NBAS: variants seen among roughly 807,000 people sequenced by gnomAD.
The protein encoded by NBAS is NAG/BC035112 fusion.
A neutral mutation model predicts 302.5 loss-of-function variants in NBAS; 219 were observed. The observed-to-expected ratio is 0.72, with a 90% CI of 0.65 to 0.81. The LOEUF (loss-of-function observed/expected upper bound fraction) is 0.81. Among genes scored for constraint, NBAS ranks in the 30% least tolerant of loss-of-function variants. The pLI is 0.00. For synonymous variants in NBAS, 1,118 were observed against 1,021.6 expected, an observed-to-expected ratio of 1.09 and a Z score of -1.80; for missense variants, 2,932 against 2,841.6, an observed-to-expected ratio of 1.03 and a Z score of -0.72.
chr2:15,130,907 GAAAATACTAGAAC>G, the NBAS span, among the ~76,000 whole-genome samples: 2 of 152,170 alleles, frequency 1.3e-5, no homozygotes, highest in Non-Finnish European at 2.9e-5. Context: ...AGAGCAAGAA[GAAAATACTAGAAC>G]CTTCATGTAT....
chr2:15,346,165 TTAAAC>T (rs1265083409), intron 35 of NBAS, among the ~76,000 whole-genome samples: 1 of 152,046 alleles, frequency 6.6e-6, no homozygotes, highest in Non-Finnish European at 1.5e-5. Context: ...TTGGATCTAA[TTAAAC>T]TAAAGAGCTT....
the NBAS span, among the ~76,000 whole-genome samples, chr2:15,100,841 T>C: frequency 2.4e-4 from 37 of 152,344 alleles, no homozygotes; most frequent in African/African-American, 8.4e-4. Flanking sequence ...TCAACTATAA[T>C]GATGCTCACA....
At chr2:15,173,105 A>T (rs1664371957) in intron 51 of NBAS, among the ~76,000 whole-genome samples, 1 of 152,256 alleles carries the variant, frequency 6.6e-6, no homozygotes, top group African/African-American at 2.4e-5. Flanking sequence ...TATATATCAG[A>T]AGATGAGTAA....
At chr2:15,326,659 G>A (rs1032410137) in intron 38 of NBAS, among the ~76,000 whole-genome samples, 3 of 152,036 alleles carry the variant, frequency 2.0e-5, no homozygotes, top group African/African-American at 7.2e-5. Context: ...TATGTAAGAT[G>A]TACCATAAAT....
chr2:14,815,438 C>G, the NBAS span, among the ~76,000 whole-genome samples: 1 of 152,192 alleles, frequency 6.6e-6, no homozygotes, highest in African/African-American at 2.4e-5. Flanking sequence ...GGCACTCACA[C>G]TTTGTTGTCA....
At chr2:15,031,747 A>G in the NBAS span, among the ~76,000 whole-genome samples, 1 of 152,254 alleles carries the variant, frequency 6.6e-6, no homozygotes, top group Non-Finnish European at 1.5e-5. Flanking sequence ...CTGCTCAGGC[A>G]ACACTGTTGC....
chr2:14,991,736 TG>T, the NBAS span, among the ~76,000 whole-genome samples: 5 of 152,214 alleles, frequency 3.3e-5, no homozygotes, highest in African/African-American at 1.2e-4. Context: ...GGTAGAATCT[TG>T]GGCCTCACTC....
At chr2:15,489,393 G>C (rs756632377) in intron 11 of NBAS, among the ~76,000 whole-genome samples, 1 of 151,784 alleles carries the variant, frequency 6.6e-6, no homozygotes, top group Non-Finnish European at 1.5e-5. Context: ...TTTGGGCCCA[G>C]ATCTTTACAA....
At chr2:15,559,072 A>AAAAAAAAAAG (rs1664787702) in intron 1 of NBAS, among the ~76,000 whole-genome samples, 1 of 149,654 alleles carries the variant, frequency 6.7e-6, no homozygotes, top group Non-Finnish European at 1.5e-5. Flanking sequence ...CAAAAAAAAA[A>AAAAAAAAAAG]AAAAAAAAAA....
the NBAS span, among the ~76,000 whole-genome samples, chr2:15,035,257 A>T: frequency 6.6e-6 from 1 of 152,186 alleles, no homozygotes; most frequent in Admixed American, 6.5e-5. Flanking sequence ...GTGTGTGCAT[A>T]TAAATCAAAA....
chr2:15,211,272 T>TA (rs1000261695), intron 48 of NBAS, among the ~76,000 whole-genome samples: 1 of 151,792 alleles, frequency 6.6e-6, no homozygotes, highest in African/African-American at 2.4e-5. Context: ...CCACAAAAAT[T>TA]AAAAAAATAA....
rs1672166901 is a variant in NBAS at position 15,328,239 on chromosome 2, G to C, written c.4421C>G (p.Pro1474Arg). Residue 1474 changes from proline (P) to arginine (R), a missense_variant, in exon 37 of 52, where the codon CCT (proline) becomes CGT (arginine). Physicochemically the swap from Pro to Arg is moderately radical, Grantham distance 103. Transcript: ENST00000281513. ...NEDLEKQGCH[P>R]FYESVISNPF... The stretch of plus-strand genomic sequence containing the variant: ...ATTTGAGATGACAGATTCATAAAAA[G>C]GATGACACCCTTGTTTCTCTAGATC... 6.2e-7 allele frequency: 1 copy of C among 1,613,748 alleles called. No individual in the cohort carries two copies. Among genetic ancestry groups the C allele is most frequent in the African/African-American group, 1.3e-5 (1 of 74,864 alleles).
chr2:15,343,267 C>T (rs527322030), intron 35 of NBAS, among the ~76,000 whole-genome samples: 3 of 152,184 alleles, frequency 2.0e-5, no homozygotes, highest in Non-Finnish European at 2.9e-5. Context: ...GGGGAAACAA[C>T]GTCATATGAA....
chr2:15,074,738 G>C, the NBAS span, among the ~76,000 whole-genome samples: 1 of 152,054 alleles, frequency 6.6e-6, no homozygotes, highest in African/African-American at 2.4e-5. Flanking sequence ...CAGACACAAG[G>C]ATAATTTCCT....
chr2:15,168,087 AT>A (rs1199607286), intron 51 of NBAS, among the ~76,000 whole-genome samples: 1 of 152,108 alleles, frequency 6.6e-6, no homozygotes, highest in African/African-American at 2.4e-5. Flanking sequence ...TATTTTCAAT[AT>A]TTTTTTAAAG....
Position 15,364,584 on chromosome 2 carries a change from G to A in NBAS, c.3817+1996C>T, listed in dbSNP as rs77675835. On this transcript the variant is annotated intron_variant, in intron 32 of 51. Transcript: ENST00000281513. ...TTTTGCTGGTTTCTCCTGGAGCACT[G>A]ACTCCAGGAGACTTCAGCCAACAAG... Among the ~76,000 whole-genome samples, 933 of 152,244 alleles carry A rather than the reference G, an allele frequency of 6.1e-3. 8 individuals carry two copies. The highest frequency in any genetic ancestry group is 0.021 in the African/African-American group (877 of 41,524).
the NBAS span, among the ~76,000 whole-genome samples, chr2:15,007,435 C>T: frequency 6.6e-6 from 1 of 152,176 alleles, no homozygotes; most frequent in Admixed American, 6.5e-5. Flanking sequence ...ATTTGCCATC[C>T]TTTGCTCTCT....
chr2:15,269,622 G>T (rs2148037962), intron 44 of NBAS, among the ~76,000 whole-genome samples: 1 of 152,250 alleles, frequency 6.6e-6, no homozygotes, highest in Non-Finnish European at 1.5e-5. Flanking sequence ...TCATATTAAT[G>T]AATGAGATTT....
intron 48 of NBAS, among the ~76,000 whole-genome samples, chr2:15,201,577 A>G (rs1665880599): frequency 6.6e-6 from 1 of 152,198 alleles, no homozygotes; most frequent in South Asian, 2.1e-4. Flanking sequence ...TATGACTGTT[A>G]TTTTTATTAA....
Sources: gnomAD v4.1 joint callset for allele counts (sites outside exome capture counted in the v4.1 genomes callset) on GRCh38, gnomAD v4.1.1 for gene constraint, MANE v1.5 for transcripts, NCBI Gene and HGNC (gene_info 2026-07-23, HGNC 2026-07-21) for gene names.